Variants in ESPL1 observed in about 807,000 individuals in gnomAD.
ESPL1 encodes separin.
A neutral mutation model predicts 217.2 loss-of-function variants in ESPL1; 50 were observed. That is an observed-to-expected ratio of 0.23 (90% CI 0.18 to 0.29). ESPL1 has a LOEUF of 0.29. ESPL1 is among the 10% of genes least tolerant of loss of function. The pLI, the probability that ESPL1 is intolerant of heterozygous loss-of-function variation, is 1.00. For missense variants in ESPL1, 1,834 were observed against 2,603.0 expected, an observed-to-expected ratio of 0.70 and a Z score of 6.43; for synonymous variants, 994 against 1,081.3, an observed-to-expected ratio of 0.92 and a Z score of 1.58.
intron 1 of ESPL1, 48 bp downstream of exon 1, chr12:53,268,425 G>T: frequency 3.4e-6 from 1 of 290,362 alleles, no homozygotes; most frequent in Non-Finnish European, 6.5e-6. Context: ...TGAAGTGAAG[G>T]GGATCCCCAG....
intron 17 of ESPL1, 25 bp downstream of exon 17, chr12:53,284,192 A>G (rs1056336642): frequency 7.1e-6 from 10 of 1,403,200 alleles, no homozygotes; most frequent in South Asian, 1.2e-5. Flanking sequence ...CCCCATGACC[A>G]TAGGCGGTGC....
rs774409927 is a variant in ESPL1, at chr12:53,292,944, C to T, written c.6135C>T (p.Ile2045=). The change falls in exon 30 of 31, where the codon ATC becomes ATT. Residue 2045 remains isoleucine, a synonymous_variant. Transcript: ENST00000257934. The surrounding 1 kb of genome is among the most constrained non-coding windows in gnomAD (Gnocchi z 4.5). ...GTGGAAACCTGGAGGGGGCTGGCAT[C>T]GTGCTCAAGTACATCATGGCTGGTT... ...AVRGNLEGAG[I]VLKYIMAGCP... 10 of 1,613,640 alleles carry T rather than the reference C, an allele frequency of 6.2e-6. No homozygotes were observed. The highest frequency in any genetic ancestry group is 1.6e-4 in the Middle Eastern group (1 of 6,070).
rs1475647112 is a variant in ESPL1, at chr12:53,282,287, G to C, written c.2643G>C (p.Leu881=). Residue 881 remains leucine (L), a synonymous_variant, in exon 14 of 31, where the codon CTG becomes CTC. Transcript: ENST00000257934. This position sits in a 1 kb window ranked among gnomAD's most constrained non-coding sequence, Gnocchi z 4.0. ...AGGTGACCAAGGGTGTCTCTCTGCT[G>C]CTGTCTGTGCTTCGGGATCCTGCCC... The part of the protein sequence containing the change: ...HQKVTKGVSL[L]LSVLRDPALQ... 1.2e-6 allele frequency: 2 copies of C among 1,614,052 alleles called. No homozygotes were observed. Among genetic ancestry groups the C allele is most frequent in the Non-Finnish European group, 1.7e-6 (2 of 1,179,994 alleles).
At position 53,283,370 on chromosome 12, in the gene ESPL1, C is replaced by T. The variant is rs369877730; in HGVS notation, c.2921-12C>T. Reference sequence around the variant, plus strand: ...TGGCTGAGTGATGGTGGTCTTGTCTCTTTTGCTACAGGTGAAAATCTGGTA... The same window carrying T: ...TGGCTGAGTGATGGTGGTCTTGTCTTTTTTGCTACAGGTGAAAATCTGGTA... On this transcript the variant is annotated splice_polypyrimidine_tract_variant and intron_variant, in intron 15 of 30. Transcript: ENST00000257934. 717 of 1,613,856 alleles carry T rather than the reference C, an allele frequency of 4.4e-4. No homozygotes were observed. Among genetic ancestry groups the T allele is most frequent in the Non-Finnish European group, 5.7e-4 (671 of 1,179,906 alleles).
In ESPL1 at chr12:53,292,788, C is replaced by T. The variant is rs756798110; in HGVS notation, c.5997-18C>T. On this transcript the variant is annotated intron_variant, in intron 29 of 30. Coordinates refer to ENST00000257934, the MANE Select transcript of ESPL1 (RefSeq NM_012291.5). This position sits in a 1 kb window ranked among gnomAD's most constrained non-coding sequence, Gnocchi z 4.5. Reference sequence around the variant, plus strand: ...GGTATTACTAGCTCAAGACTCATCTCACCTCCTTCTGCCTTAGCTATGCAG... The same window carrying T: ...GGTATTACTAGCTCAAGACTCATCTTACCTCCTTCTGCCTTAGCTATGCAG... 6.2e-6 allele frequency: 10 copies of T among 1,607,144 alleles called. No homozygotes were observed. The African/African-American group carries it at 9.3e-5, about 15-fold the overall frequency.
At chr12:53,271,773 A>G (rs549026536) in intron 5 of ESPL1, among the ~76,000 whole-genome samples, 26 of 152,286 alleles carry the variant, frequency 1.7e-4, no homozygotes, top group Middle Eastern at 3.4e-3. Flanking sequence ...AAGCTGCATA[A>G]ATAAGTTATT....
In ESPL1 at chr12:53,269,370, T is replaced by C. The variant is rs1456926306; in HGVS notation, c.428T>C (p.Val143Ala). The change falls in exon 3 of 31, where the codon GTG (valine) becomes GCG (alanine). Residue 143 changes from valine (V) to alanine (A), a missense_variant. Coordinates refer to ENST00000257934, the MANE Select transcript of ESPL1 (RefSeq NM_012291.5). This position sits in a 1 kb window ranked among gnomAD's most constrained non-coding sequence, Gnocchi z 6.7. Reference sequence around the variant, plus strand: ...GCTGCTCCCCAGGACTATGAGGCCGTGGCTCGGGGCAGCTTTTCTCTGCTT... The same window carrying C: ...GCTGCTCCCCAGGACTATGAGGCCGCGGCTCGGGGCAGCTTTTCTCTGCTT... ...REAAPQDYEA[V>A]ARGSFSLLWK... 6.2e-7 allele frequency: 1 copy of C among 1,614,098 alleles called. No individual in the cohort carries two copies. The highest frequency in any genetic ancestry group is 8.5e-7 in the Non-Finnish European group (1 of 1,180,040).
In ESPL1 at chr12:53,290,385, C is replaced by A; in HGVS notation, c.5280C>A (p.Ile1760=). Residue 1760 remains isoleucine, a synonymous_variant, in exon 24 of 31, where the codon ATC becomes ATA. Transcript: ENST00000257934. The part of the protein sequence containing the change: ...LRSVLNEFDA[I]QKAQKENSSC... Reference sequence around the variant, plus strand: ...CAGTCCTGAATGAGTTTGATGCCATCCAGAAGGCACAGAAAGAGAACAGCA... The same window carrying A: ...CAGTCCTGAATGAGTTTGATGCCATACAGAAGGCACAGAAAGAGAACAGCA... 6.2e-7 allele frequency: 1 copy of A among 1,613,292 alleles called. No homozygotes were observed. Among genetic ancestry groups the A allele is most frequent in the East Asian group, 2.2e-5 (1 of 44,890 alleles).
Position 53,277,965 on chromosome 12 carries a change from T to C in ESPL1, c.2364+5T>C, listed in dbSNP as rs1943799776. The C allele has an allele frequency of 3.1e-6, 5 of 1,612,666 alleles. No homozygotes were observed. In the African/African-American group the frequency reaches 4.0e-5, roughly 13 times the overall value. On this transcript the variant is annotated splice_donor_5th_base_variant and intron_variant, in intron 11 of 30. Transcript: ENST00000257934. ...CTCTACCAGCTGGTGGCAAAGGTAA[T>C]GGGGTGGGGCATTGAGGGGGACCCA...
At chr12:53,275,198 C>T (rs1398657189) in intron 7 of ESPL1, among the ~76,000 whole-genome samples, 188 bp downstream of exon 7, 1 of 152,136 alleles carries the variant, frequency 6.6e-6, no homozygotes, top group Non-Finnish European at 1.5e-5. Context: ...GTAATCCCAG[C>T]ACACATGTAA....
chr12:53,286,782 C>G lies in ESPL1; in HGVS notation c.4046C>G (p.Pro1349Arg). 6.2e-7 allele frequency: 1 copy of G among 1,614,166 alleles called. No homozygotes were observed. The highest frequency in any genetic ancestry group is 8.5e-7 in the Non-Finnish European group (1 of 1,180,040). ...AGAGGACTGCCCTGCACACCTAAAC[C>G]CCCAGACCGGATCAGGCAAGCTGGC... ...EGRGLPCTPK[P>R]PDRIRQAGPH... is the part of the protein sequence containing the mutation. Residue 1349 changes from proline (P) to arginine (R), a missense_variant, in exon 18 of 31, where the codon CCC (proline) becomes CGC (arginine). Physicochemically the swap from Pro to Arg is moderately radical, Grantham distance 103 (BLOSUM62 -2). Around this residue, in one of 5 missense-constraint regions of ESPL1, gnomAD observed 681 missense variants for 808.0 expected, o/e 0.84. Transcript: ENST00000257934. This position sits in a 1 kb window ranked among gnomAD's most constrained non-coding sequence, Gnocchi z 5.3.
chr12:53,277,057 A>C, intron 8 of ESPL1, 26 bp from the exon 9 acceptor site: 1 of 1,605,734 alleles, frequency 6.2e-7, no homozygotes, highest in Non-Finnish European at 8.5e-7. Context: ...TAGTAGGCCC[A>C]GCTTAAGCAC....
Position 53,269,764 on chromosome 12 carries a change from A to C in ESPL1, c.822A>C (p.Ala274=). The change falls in exon 3 of 31, where the codon GCA becomes GCC. Residue 274 remains alanine, a synonymous_variant. Transcript: ENST00000257934. This position sits in a 1 kb window ranked among gnomAD's most constrained non-coding sequence, Gnocchi z 6.7. ...GCCACCATGACAAAGCCATCAGCGC[A>C]GTGGAGAAGGCTCACAGTTACCTAA... ...WSRHHDKAIS[A]VEKAHSYLRN... The C allele has an allele frequency of 1.2e-6, 2 of 1,614,162 alleles. No homozygotes were observed. Among genetic ancestry groups the C allele is most frequent in the East Asian group, 4.5e-5 (2 of 44,874 alleles).
chr12:53,270,906 G>T (rs539196347), intron 5 of ESPL1, 108 bp downstream of exon 5: 2 of 1,202,728 alleles, frequency 1.7e-6, no homozygotes, highest in Admixed American at 2.4e-5. Context: ...GTTCCTTATG[G>T]TTCAAGGAGG....
rs147227299 is a variant in ESPL1, at chr12:53,292,968, T to C, written c.6159T>C (p.Gly2053=). 695 of 1,612,694 alleles carry C rather than the reference T, an allele frequency of 4.3e-4. 2 individuals carry two copies. In the African/African-American group the frequency reaches 5.6e-3, roughly 13 times the overall value. ...TCGTGCTCAAGTACATCATGGCTGG[T>C]TGGTGAGTCTCCAAGGGCAAGACCC... is the stretch of plus-strand genomic sequence containing the variant. The part of the protein sequence containing the change: ...AGIVLKYIMA[G]CPLFLGNLWD... Residue 2053 remains glycine (G), a splice_region_variant and synonymous_variant, in exon 30 of 31, where the codon GGT becomes GGC. Coordinates refer to ENST00000257934, the MANE Select transcript of ESPL1 (RefSeq NM_012291.5). The surrounding 1 kb of genome is among the most constrained non-coding windows in gnomAD (Gnocchi z 4.5).
intron 5 of ESPL1, among the ~76,000 whole-genome samples, 192 bp downstream of exon 5, chr12:53,270,990 C>A (rs905668986): frequency 2.0e-5 from 3 of 152,154 alleles, no homozygotes; most frequent in African/African-American, 7.2e-5. Flanking sequence ...AGCTAACTTA[C>A]AACAGCAGAC....
At chr12:53,283,928 T>C (rs190160136) in intron 16 of ESPL1, 130 bp from the exon 17 acceptor site, 11 of 720,878 alleles carry the variant, frequency 1.5e-5, no homozygotes, top group Admixed American at 4.1e-5. Flanking sequence ...TAAGTCAGCT[T>C]AAGGGAGTGA....
At chr12:53,285,719 GAAAA>G (rs550430280) in intron 17 of ESPL1, among the ~76,000 whole-genome samples, 2,583 of 149,930 alleles carry the variant, frequency 0.017, 34 homozygotes, top group Non-Finnish European at 0.027. Context: ...AAAAAAAAAA[GAAAA>G]AAAGAAAAAG....
chr12:53,272,981 A>G lies in ESPL1; in HGVS notation c.1506+124A>G, dbSNP rs1716670524. ...TTAATAGCAGCATGTTGACACCAGT[A>G]TCTGGAGCAGTGTTTCCCAAACCTC... On this transcript the variant is annotated intron_variant, in intron 6 of 30. Transcript: ENST00000257934. The G allele has an allele frequency of 6.8e-6, 6 of 876,290 alleles. No homozygotes were observed. The South Asian group carries it at 1.0e-4, about 15-fold the overall frequency. 54.3% of individuals were successfully genotyped at this position (876,290 alleles called of 1,614,324 possible). A position where few individuals can be genotyped will look rare whatever the true frequency, so the allele number is the denominator to read the frequency against.
Sources: gnomAD v4.1 joint callset for allele counts (sites outside exome capture counted in the v4.1 genomes callset) on GRCh38, gnomAD v4.1.1 for gene constraint, gnomAD v4.1.1 regional missense constraint, Gnocchi (gnomAD v3.1) non-coding constraint, MANE v1.5 for transcripts, NCBI Gene and HGNC (gene_info 2026-07-23, HGNC 2026-07-21) for gene names.